Variants in ILDR2 observed in about 807,000 individuals in gnomAD.
ILDR2 encodes the protein immunoglobulin like domain containing receptor 2.
ILDR2 carries 25 observed loss-of-function variants against 66.8 expected under a neutral mutation model. That is an observed-to-expected ratio of 0.37 (90% CI 0.27 to 0.52). The LOEUF is 0.52. Ranked by LOEUF, ILDR2 falls within the 20% of genes least tolerant of loss-of-function variation. The pLI is 0.88. For synonymous variants in ILDR2, 367 were observed against 357.2 expected (o/e 1.03, Z -0.31); for missense variants, 827 against 876.8 (o/e 0.94, Z 0.72).
At chr1:166,942,142 G>T (rs551362229) in intron 3 of ILDR2, among the ~76,000 whole-genome samples, 2 of 152,206 alleles carry the variant, frequency 1.3e-5, no homozygotes, top group Non-Finnish European at 2.9e-5. Context: ...GGTTTGTCTA[G>T]GACAGTTGTG....
At chr1:166,947,323 C>T (rs934768607) in intron 3 of ILDR2, among the ~76,000 whole-genome samples, 1 of 152,164 alleles carries the variant, frequency 6.6e-6, no homozygotes, top group African/African-American at 2.4e-5. Context: ...CTTTCTTTAA[C>T]CAAAAAAGGC....
At position 166,975,330 on chromosome 1, in the gene ILDR2, G is replaced by A; in HGVS notation, c.-62C>T. 1 of 1,495,232 alleles carries A rather than the reference G, an allele frequency of 6.7e-7. No individual in the cohort carries two copies. Among genetic ancestry groups the A allele is most frequent in the Non-Finnish European group, 9.2e-7 (1 of 1,088,418 alleles). 92.6% of individuals were successfully genotyped at this position (1,495,232 alleles called of 1,614,324 possible). On this transcript the variant is annotated 5_prime_UTR_variant, in exon 1 of 10. Coordinates refer to ENST00000271417, the MANE Select transcript of ILDR2 (RefSeq NM_199351.3). ...AAGTGGGAAATGGCTGGAACAGAAG[G>A]ATCGCTGTCACCCCGCGGCAGCGGG...
At chr1:166,948,600 C>T (rs1021925075) in intron 3 of ILDR2, among the ~76,000 whole-genome samples, 4 of 152,154 alleles carry the variant, frequency 2.6e-5, no homozygotes, top group African/African-American at 9.7e-5. Flanking sequence ...CTTTCAAACC[C>T]ACTAGCAGGA....
In ILDR2 at chr1:166,908,374, T is replaced by G. The variant is rs1659389779; in HGVS notation, c.*10981A>C. The G allele has an allele frequency of 6.6e-6, 1 of 152,176 alleles. No homozygotes were observed. The highest frequency in any genetic ancestry group is 1.5e-5 in the Non-Finnish European group (1 of 68,028). 9.4% of individuals were successfully genotyped at this position (152,176 alleles called of 1,614,324 possible). ...CTCCTGTCTCTTCTTATAAGGACAC[T>G]AATTCCATCATAAGAGCTCCACCCT... On this transcript the variant is annotated 3_prime_UTR_variant, in exon 10 of 10. Transcript: ENST00000271417.
chr1:166,973,363 C>T (rs1663411054), intron 1 of ILDR2, among the ~76,000 whole-genome samples: 1 of 152,094 alleles, frequency 6.6e-6, no homozygotes, highest in South Asian at 2.1e-4. Flanking sequence ...GGAATCTAGT[C>T]CCTAATCAAT....
At chr1:166,955,386 T>C (rs764526283) in intron 3 of ILDR2, among the ~76,000 whole-genome samples, 9 of 152,106 alleles carry the variant, frequency 5.9e-5, no homozygotes, top group Non-Finnish European at 7.3e-5. Context: ...GGTGGGCAGA[T>C]CACTTGAGGA....
intron 1 of ILDR2, among the ~76,000 whole-genome samples, chr1:166,968,114 TA>T (rs766996098): frequency 3.5e-4 from 54 of 152,338 alleles, no homozygotes; most frequent in Middle Eastern, 3.4e-3. Flanking sequence ...CTCTCATTCT[TA>T]AAATATTCCC....
chr1:166,924,853 A>C (rs1472764671), intron 7 of ILDR2, among the ~76,000 whole-genome samples: 1 of 152,080 alleles, frequency 6.6e-6, no homozygotes, highest in African/African-American at 2.4e-5. Context: ...TCATCTTTAT[A>C]AAAAATTAAA....
intron 7 of ILDR2, 63 bp downstream of exon 7, chr1:166,927,004 A>G: frequency 8.2e-7 from 1 of 1,217,256 alleles, no homozygotes; most frequent in Non-Finnish European, 1.2e-6. Context: ...GTGACCCCCA[A>G]ATCCCCTTTA....
chr1:166,927,679 T>C (rs1219735633), intron 6 of ILDR2, among the ~76,000 whole-genome samples: 1 of 152,256 alleles, frequency 6.6e-6, no homozygotes, highest in Admixed American at 6.5e-5. Flanking sequence ...GCCTAGGAGA[T>C]AATGCAAAAG....
intron 1 of ILDR2, among the ~76,000 whole-genome samples, chr1:166,965,909 A>T (rs2102014020): frequency 6.6e-6 from 1 of 152,172 alleles, no homozygotes; most frequent in Admixed American, 6.5e-5. Flanking sequence ...AGTGTAGGAG[A>T]TGAATAGGGA....
intron 1 of ILDR2, among the ~76,000 whole-genome samples, chr1:166,964,054 C>CAA (rs1042193808): frequency 5.0e-4 from 75 of 150,700 alleles, no homozygotes; most frequent in African/African-American, 1.8e-3. Flanking sequence ...GGAGAGAGAG[C>CAA]AAGAGAGGAA....
At chr1:166,933,857 A>G (rs1227506128) in intron 6 of ILDR2, among the ~76,000 whole-genome samples, 2 of 152,180 alleles carry the variant, frequency 1.3e-5, no homozygotes, top group Non-Finnish European at 2.9e-5. Context: ...CTCATTCTGT[A>G]TCAGATGTCA....
downstream of ILDR2, among the ~76,000 whole-genome samples, chr1:166,905,359 G>T (rs544820745): frequency 6.6e-6 from 1 of 152,332 alleles, no homozygotes; most frequent in South Asian, 2.1e-4. Context: ...AGCTGAGCCA[G>T]CTGTTCAGCA....
At position 166,914,915 on chromosome 1, in the gene ILDR2, C is replaced by T. The variant is rs1659584848; in HGVS notation, c.*4440G>A. The T allele has an allele frequency of 1.3e-5, 2 of 152,188 alleles. No individual in the cohort carries two copies. The highest frequency in any genetic ancestry group is 4.1e-4 in the South Asian group (2 of 4,830). The allele number at this position is 152,188 out of a possible 1,614,324, so 9.4% of individuals were successfully genotyped here. ...AAATGAGGACTTTTATTATTCTTGT[C>T]CACCCAACTTTAGGTAAGACCAAAG... On this transcript the variant is annotated 3_prime_UTR_variant, in exon 10 of 10. Transcript: ENST00000271417.
Position 166,922,772 on chromosome 1 carries a change from C to T in ILDR2, c.1032G>A (p.Glu344=), listed in dbSNP as rs748810349. The T allele has an allele frequency of 6.2e-7, 1 of 1,614,214 alleles. No homozygotes were observed. Among genetic ancestry groups the T allele is most frequent in the South Asian group, 1.1e-5 (1 of 91,080 alleles). ...NTISELSSLH[E]EDSNFRQSFH... ...AAGACTGGCGGAAATTGCTGTCCTC[C>T]TCATGTAGGGAGCTGAGTTCTGAGA... is the stretch of plus-strand genomic sequence containing the variant. The change falls in exon 8 of 10, where the codon GAG becomes GAA. Residue 344 remains glutamate, a synonymous_variant. Coordinates refer to ENST00000271417, the MANE Select transcript of ILDR2 (RefSeq NM_199351.3).
chr1:166,960,825 T>C (rs1468615642), intron 1 of ILDR2, among the ~76,000 whole-genome samples: 2 of 152,228 alleles, frequency 1.3e-5, no homozygotes, highest in African/African-American at 4.8e-5. Context: ...CTTATGAAGC[T>C]AGATTAGGAA....
intron 4 of ILDR2, among the ~76,000 whole-genome samples, chr1:166,938,323 A>C (rs1331087509): frequency 6.6e-6 from 1 of 152,228 alleles, no homozygotes; most frequent in Non-Finnish European, 1.5e-5. Context: ...GAAACAAAAG[A>C]ATATTATCTG....
chr1:166,912,659 A>C lies in ILDR2; in HGVS notation c.*6696T>G, dbSNP rs188698944. Reference sequence around the variant, plus strand: ...AACAGATTTTCTGCTTGACAAGGCCACTAAAATCTGGAATTCCCTTGAGAG... The same window carrying C: ...AACAGATTTTCTGCTTGACAAGGCCCCTAAAATCTGGAATTCCCTTGAGAG... On this transcript the variant is annotated 3_prime_UTR_variant, in exon 10 of 10. Coordinates refer to ENST00000271417, the MANE Select transcript of ILDR2 (RefSeq NM_199351.3). 17 of 152,212 alleles carry C rather than the reference A, an allele frequency of 1.1e-4. No individual in the cohort carries two copies. Among genetic ancestry groups the C allele is most frequent in the Admixed American group, 2.6e-4 (4 of 15,276 alleles). 9.4% of individuals were successfully genotyped at this position (152,212 alleles called of 1,614,324 possible).
Sources: allele counts gnomAD v4.1 joint callset (sites outside exome capture counted in the v4.1 genomes callset), GRCh38; gene constraint gnomAD v4.1.1; transcripts MANE v1.5; gene names NCBI Gene and HGNC (gene_info 2026-07-23, HGNC 2026-07-21).